PCLO: variants seen among roughly 807,000 people sequenced by gnomAD.
PCLO encodes protein piccolo.
Under a neutral mutation model 427.5 loss-of-function variants are expected in PCLO, and 82 were observed. That is an observed-to-expected ratio of 0.19 (90% CI 0.16 to 0.23). The LOEUF (loss-of-function observed/expected upper bound fraction) is 0.23. Among genes scored for constraint, PCLO ranks in the 10% least tolerant of loss-of-function variants. The probability of loss-of-function intolerance (pLI) is 1.00; values close to 1 mark genes in which losing one functional copy is unlikely to be tolerated. For missense variants in PCLO, 6,239 were observed against 6,115.9 expected (o/e 1.02, Z -0.67); for synonymous variants, 2,357 against 2,155.4 (o/e 1.09, Z -2.59).
intron 3 of PCLO, among the ~76,000 whole-genome samples, chr7:82,975,505 G>C (rs1795997406): frequency 6.6e-6 from 1 of 152,226 alleles, no homozygotes; most frequent in Admixed American, 6.5e-5. Flanking sequence ...GGTGGTGGGA[G>C]AGATTGGTTA....
rs936410467 is a variant in PCLO at position 83,124,707 on chromosome 7, GCTCTCC to G, written c.3300+9537_3300+9542del. Among the ~76,000 whole-genome samples, 296 of 151,568 alleles carry G rather than the reference GCTCTCC, an allele frequency of 2.0e-3. 2 individuals carry two copies. The highest frequency in any genetic ancestry group is 6.8e-4 in the Non-Finnish European group (46 of 67,846). ...GAATATGTGTATAAAAGACATATATGCTCTCCCTCTCCCTCTCCGTCGTCTCCATCT... is the reference window on the plus strand; with the variant it reads ...GAATATGTGTATAAAAGACATATATGCTCTCCCTCTCCGTCGTCTCCATCT... On this transcript the variant is annotated intron_variant, in intron 3 of 24. Transcript: ENST00000333891.
chr7:83,049,749 C>G (rs2116254186), intron 3 of PCLO, among the ~76,000 whole-genome samples: 1 of 152,158 alleles, frequency 6.6e-6, no homozygotes, highest in Non-Finnish European at 1.5e-5. Context: ...AAACTAAATT[C>G]CTTCCATGGT....
chr7:83,139,252 T>TA (rs940946278), intron 2 of PCLO, among the ~76,000 whole-genome samples: 33 of 152,014 alleles, frequency 2.2e-4, no homozygotes, highest in South Asian at 2.1e-4. Context: ...ATTCTACATA[T>TA]AAAAAAAATC....
In PCLO at chr7:82,940,832, G is replaced by A. The variant is rs371671089; in HGVS notation, c.11112+8644C>T. Among the ~76,000 whole-genome samples, 44 of 137,192 alleles carry A rather than the reference G, an allele frequency of 3.2e-4. 2 individuals carry two copies. The South Asian group carries it at 8.7e-3, about 27-fold the overall frequency. 90.0% of individuals were successfully genotyped at this position (137,192 alleles called of 152,430 possible). A position where few individuals can be genotyped will look rare whatever the true frequency, so the allele number is the denominator to read the frequency against. On this transcript the variant is annotated intron_variant, in intron 6 of 24. Coordinates refer to ENST00000333891, the MANE Select transcript of PCLO (RefSeq NM_033026.6). ...GGCTGGAGTGCAGTGGTGAGATCTC[G>A]GCTCACTGCAAGCTCCGCCTCCCGG...
intron 2 of PCLO, among the ~76,000 whole-genome samples, chr7:83,137,461 C>T (rs1158540196): frequency 3.9e-5 from 6 of 152,108 alleles, no homozygotes; most frequent in Admixed American, 1.3e-4. Flanking sequence ...GATGGAGTCT[C>T]GCTCTGTCGC....
At chr7:83,141,330 T>G (rs6968150) in intron 2 of PCLO, among the ~76,000 whole-genome samples, 49,025 of 152,032 alleles carry the variant, frequency 0.32, 8,603 homozygotes, top group East Asian at 0.62. Flanking sequence ...ATTCCAGACT[T>G]TATATGACAA....
Position 82,913,778 on chromosome 7 carries a change from A to C in PCLO, c.13300+908T>G, listed in dbSNP as rs1195178331. 2.0e-5 allele frequency among the ~76,000 whole-genome samples: 3 copies of C among 152,066 alleles called. No homozygotes were observed. The East Asian group carries it at 5.8e-4, about 29-fold the overall frequency. On this transcript the variant is annotated intron_variant, in intron 7 of 24. Coordinates refer to ENST00000333891, the MANE Select transcript of PCLO (RefSeq NM_033026.6). ...TTATGGTTGTATATCTTTAAACACA[A>C]AGCTACTTTAAATCAGTTTTTAGTT...
intron 16 of PCLO, among the ~76,000 whole-genome samples, chr7:82,831,040 AAAGT>A (rs1182035020): frequency 6.6e-6 from 1 of 152,092 alleles, no homozygotes; most frequent in Non-Finnish European, 1.5e-5. Flanking sequence ...AGCATTTTTA[AAAGT>A]AAGCATATTA....
At chr7:82,968,524 T>C in intron 3 of PCLO, among the ~76,000 whole-genome samples, 1 of 148,472 alleles carries the variant, frequency 6.7e-6, no homozygotes, top group Non-Finnish European at 1.5e-5. Context: ...TGACTTTTTT[T>C]TTTTTTTTTT....
At chr7:82,851,358 C>G (rs1322828673) in intron 10 of PCLO, among the ~76,000 whole-genome samples, 1 of 151,662 alleles carries the variant, frequency 6.6e-6, no homozygotes, top group Non-Finnish European at 1.5e-5. Flanking sequence ...GTGGATCCAT[C>G]CTGAAGTCTT....
intron 6 of PCLO, among the ~76,000 whole-genome samples, chr7:82,947,433 T>C (rs1795229459): frequency 6.6e-6 from 1 of 152,180 alleles, no homozygotes; most frequent in Admixed American, 6.5e-5. Flanking sequence ...AGTTAATACT[T>C]AGTAATTCAC....
chr7:82,818,958 T>C (rs1791734022), intron 20 of PCLO, among the ~76,000 whole-genome samples: 1 of 152,228 alleles, frequency 6.6e-6, no homozygotes, highest in South Asian at 2.1e-4. Context: ...TTATTACTAA[T>C]ACTTCTGCAG....
At position 82,822,211 on chromosome 7, in the gene PCLO, C is replaced by CAAA. The variant is rs2115643351; in HGVS notation, c.14791+283_14791+284insTTT. The CAAA allele has an allele frequency of 5.6e-6, 7 of 1,256,464 alleles. No homozygotes were observed. In the East Asian group the frequency reaches 2.8e-4, roughly 50 times the overall value. The allele number at this position is 1,256,464 out of a possible 1,614,324, so 77.8% of individuals were successfully genotyped here. On this transcript the variant is annotated intron_variant, in intron 20 of 24. Coordinates refer to ENST00000333891, the MANE Select transcript of PCLO (RefSeq NM_033026.6). ...AAGGACACACAACATTGCTTTGCTTCCAAACATCACAGACACTGTATCAAA... is the reference window on the plus strand; with the variant it reads ...AAGGACACACAACATTGCTTTGCTTCAAACAAACATCACAGACACTGTATCAAA...
intron 1 of PCLO, among the ~76,000 whole-genome samples, chr7:83,158,830 A>C (rs1467858375): frequency 1.3e-5 from 2 of 152,066 alleles, no homozygotes; most frequent in African/African-American, 4.8e-5. Flanking sequence ...AGTTGCTATA[A>C]CTATGTAAAT....
intron 3 of PCLO, among the ~76,000 whole-genome samples, chr7:83,046,419 G>T (rs1789105009): frequency 1.3e-5 from 2 of 151,922 alleles, no homozygotes; most frequent in Admixed American, 6.6e-5. Context: ...CTATGTTAAA[G>T]AAATGCTAAT....
intron 3 of PCLO, among the ~76,000 whole-genome samples, chr7:82,979,316 G>A (rs1446819586): frequency 6.6e-6 from 1 of 152,112 alleles, no homozygotes; most frequent in Non-Finnish European, 1.5e-5. Flanking sequence ...ATATTCTGAT[G>A]TCGTTAAATT....
At chr7:82,974,630 CTATT>C (rs1407434964) in intron 3 of PCLO, among the ~76,000 whole-genome samples, 13 of 151,988 alleles carry the variant, frequency 8.6e-5, no homozygotes, top group Non-Finnish European at 1.8e-4. Context: ...AGGCTGATAG[CTATT>C]TATGTATTAT....
intron 9 of PCLO, among the ~76,000 whole-genome samples, chr7:82,891,111 T>C (rs572479375): frequency 1.3e-5 from 2 of 152,240 alleles, no homozygotes; most frequent in African/African-American, 2.4e-5. Context: ...TTTATTTGTA[T>C]GTATGCATAT....
intron 6 of PCLO, among the ~76,000 whole-genome samples, chr7:82,925,218 T>C (rs910275010): frequency 6.6e-6 from 1 of 152,170 alleles, no homozygotes; most frequent in African/African-American, 2.4e-5. Context: ...TTATGCCTCT[T>C]AAGCATTGGG....
Sources: allele counts gnomAD v4.1 joint callset (sites outside exome capture counted in the v4.1 genomes callset), GRCh38; gene constraint gnomAD v4.1.1; transcripts MANE v1.5; gene names NCBI Gene and HGNC (gene_info 2026-07-23, HGNC 2026-07-21).